PRTG: variants seen among roughly 807,000 people sequenced by gnomAD.
The protein encoded by PRTG is protogenin.
PRTG carries 67 observed loss-of-function variants against 122.5 expected under a neutral mutation model. The observed-to-expected ratio is 0.55, with a 90% CI of 0.45 to 0.67. The LOEUF is 0.67. Among genes scored for constraint, PRTG ranks in the 30% least tolerant of loss-of-function variants. The pLI is 0.00. For synonymous variants in PRTG, 554 were observed against 501.1 expected, an observed-to-expected ratio of 1.11 and a Z score of -1.41; for missense variants, 1,435 against 1,415.4, an observed-to-expected ratio of 1.01 and a Z score of -0.22.
intron 2 of PRTG, among the ~76,000 whole-genome samples, chr15:55,715,522 CAG>C (rs1298924413): frequency 1.3e-5 from 2 of 152,166 alleles, no homozygotes; most frequent in African/African-American, 4.8e-5. Flanking sequence ...AAAGTGACCT[CAG>C]GGCAACTCCA....
chr15:55,724,154 G>T (rs1595678415), intron 2 of PRTG, among the ~76,000 whole-genome samples: 1 of 152,104 alleles, frequency 6.6e-6, no homozygotes, highest in Non-Finnish European at 1.5e-5. Context: ...GTATTCTTTT[G>T]TTAGGTGGAA....
In PRTG at chr15:55,632,866, C is replaced by T. The variant is rs537704586; in HGVS notation, c.2624-3862G>A. On this transcript the variant is annotated intron_variant, in intron 15 of 19. Transcript: ENST00000389286. ...CTTTGTTTTGGTCACTGCGGTACTGCCAGTGCCTAGAATAGAGCCTGGCAC... is the reference window on the plus strand; with the variant it reads ...CTTTGTTTTGGTCACTGCGGTACTGTCAGTGCCTAGAATAGAGCCTGGCAC... Among the ~76,000 whole-genome samples, 23 of 152,312 alleles carry T rather than the reference C, an allele frequency of 1.5e-4. No individual in the cohort carries two copies. In the East Asian group the frequency reaches 3.5e-3, roughly 23 times the overall value.
chr15:55,726,793 G>A (rs1161444790), intron 2 of PRTG, among the ~76,000 whole-genome samples: 1 of 151,652 alleles, frequency 6.6e-6, no homozygotes, highest in African/African-American at 2.4e-5. Flanking sequence ...AAGAAAATGC[G>A]AAGAAAATTA....
intron 2 of PRTG, among the ~76,000 whole-genome samples, chr15:55,707,566 G>A (rs1595666935): frequency 6.6e-6 from 1 of 152,160 alleles, no homozygotes; most frequent in African/African-American, 2.4e-5. Flanking sequence ...AAGAATAAAA[G>A]AAGAGAATTC....
chr15:55,719,909 A>T (rs2030746485), intron 2 of PRTG, among the ~76,000 whole-genome samples: 2 of 151,634 alleles, frequency 1.3e-5, no homozygotes, highest in Non-Finnish European at 2.9e-5. Context: ...AAACACAAAA[A>T]AAATTAGCCG....
At chr15:55,708,068 G>GA (rs1377512777) in intron 2 of PRTG, among the ~76,000 whole-genome samples, 1 of 141,708 alleles carries the variant, frequency 7.1e-6, no homozygotes, top group Non-Finnish European at 1.5e-5. Context: ...TTACATGTTT[G>GA]AAGTCTGATT....
chr15:55,741,399 G>GTTT (rs1567123548), intron 1 of PRTG, among the ~76,000 whole-genome samples: 710 of 152,254 alleles, frequency 4.7e-3, no homozygotes, highest in African/African-American at 0.016. Context: ...CCAACTGTTG[G>GTTT]AAAAAATGCG....
intron 2 of PRTG, among the ~76,000 whole-genome samples, chr15:55,705,324 T>C (rs1193977878): frequency 6.6e-6 from 1 of 152,162 alleles, no homozygotes; most frequent in Non-Finnish European, 1.5e-5. Context: ...TTTCTCCAAT[T>C]TTCTCTGCTT....
chr15:55,704,272 C>T (rs141031605), intron 2 of PRTG, among the ~76,000 whole-genome samples: 2 of 152,264 alleles, frequency 1.3e-5, no homozygotes, highest in African/African-American at 4.8e-5. Flanking sequence ...TTACACTTTG[C>T]ATCGGTCACA....
At position 55,740,617 on chromosome 15, in the gene PRTG, G is replaced by A; in HGVS notation, c.162C>T (p.Asp54=). The A allele has an allele frequency of 6.2e-7, 1 of 1,614,006 alleles. No homozygotes were observed. The highest frequency in any genetic ancestry group is 1.1e-5 in the South Asian group (1 of 91,076). The change falls in exon 2 of 20, where the codon GAC becomes GAT. Residue 54 remains aspartate (D), a synonymous_variant. Coordinates refer to ENST00000389286, the MANE Select transcript of PRTG (RefSeq NM_173814.6). Reference sequence around the variant, plus strand: ...GAGCCTGGCAATCTAAAACGACTGGGTCCTTTCTTGTGACAGTTACATCCT... The same window carrying A: ...GAGCCTGGCAATCTAAAACGACTGGATCCTTTCTTGTGACAGTTACATCCT... ...EPQDVTVTRK[D]PVVLDCQAHG... is the part of the protein sequence containing the mutation.
intron 2 of PRTG, among the ~76,000 whole-genome samples, chr15:55,725,195 G>A (rs545319504): frequency 6.6e-5 from 10 of 152,148 alleles, no homozygotes; most frequent in African/African-American, 2.2e-4. Flanking sequence ...GCAAAAATTC[G>A]CATACTACTG....
intron 15 of PRTG, among the ~76,000 whole-genome samples, chr15:55,629,863 G>C (rs1223436423): frequency 6.7e-6 from 1 of 150,296 alleles, no homozygotes; most frequent in Non-Finnish European, 1.5e-5. Context: ...CTGTCGCCAG[G>C]CTGGAGTGCA....
At chr15:55,726,891 T>C (rs2031052767) in intron 2 of PRTG, among the ~76,000 whole-genome samples, 1 of 149,864 alleles carries the variant, frequency 6.7e-6, no homozygotes, top group Non-Finnish European at 1.5e-5. Context: ...GAGTTTGCAG[T>C]GAGCCGAGAT....
intron 16 of PRTG, 30 bp from the exon 17 acceptor site, chr15:55,627,158 C>T: frequency 6.7e-7 from 1 of 1,489,664 alleles, no homozygotes; most frequent in Non-Finnish European, 9.1e-7. Context: ...TACTCAGAAT[C>T]AATCAGAAAA....
chr15:55,637,128 T>C (rs778754898), intron 15 of PRTG, 42 bp downstream of exon 15: 16 of 1,355,900 alleles, frequency 1.2e-5, no homozygotes, highest in Non-Finnish European at 1.6e-5. Flanking sequence ...TTAATATTAA[T>C]AATCGTACTT....
chr15:55,684,372 GGGT>G (rs1315070366), intron 2 of PRTG, among the ~76,000 whole-genome samples: 2 of 152,084 alleles, frequency 1.3e-5, no homozygotes, highest in Non-Finnish European at 2.9e-5. Context: ...ATTTAGATGG[GGGT>G]GGTGGTGGTG....
chr15:55,709,403 C>T (rs2243398), intron 2 of PRTG, among the ~76,000 whole-genome samples: 6,455 of 147,744 alleles, frequency 0.044, 231 homozygotes, highest in African/African-American at 0.093. Context: ...AGAGAGAGCG[C>T]GTGAGAGAGT....
At chr15:55,737,180 T>C (rs12907772) in intron 2 of PRTG, among the ~76,000 whole-genome samples, 56,240 of 152,202 alleles carry the variant, frequency 0.37, 12,804 homozygotes, top group Non-Finnish European at 0.52. Context: ...AATGGTTTAA[T>C]CTTCTGTTCT....
intron 2 of PRTG, among the ~76,000 whole-genome samples, chr15:55,687,682 G>C (rs1172158735): frequency 6.6e-6 from 1 of 152,094 alleles, no homozygotes; most frequent in East Asian, 1.9e-4. Flanking sequence ...GAAAACTCTG[G>C]TTTTCAGAAA....
Sources: allele counts gnomAD v4.1 joint callset (sites outside exome capture counted in the v4.1 genomes callset), GRCh38; gene constraint gnomAD v4.1.1; transcripts MANE v1.5; gene names NCBI Gene and HGNC (gene_info 2026-07-23, HGNC 2026-07-21).